The following VWF variants were observed in gnomAD, a reference collection of about 807,000 sequenced individuals.
VWF encodes Factor VIII related antigen.
A neutral mutation model predicts 308.6 loss-of-function variants in VWF; 176 were observed. That is an observed-to-expected ratio of 0.57 (90% CI 0.50 to 0.65). The LOEUF is 0.65. Ranked by LOEUF, VWF falls within the 30% of genes least tolerant of loss-of-function variation. VWF has a pLI of 0.00. For synonymous variants in VWF, 1,385 were observed against 1,443.4 expected (o/e 0.96, Z 0.92); for missense variants, 3,146 against 3,648.2 (o/e 0.86, Z 3.55).
intron 18 of VWF, among the ~76,000 whole-genome samples, chr12:6,041,149 G>T (rs1227459501): frequency 3.3e-5 from 5 of 152,114 alleles, no homozygotes; most frequent in Non-Finnish European, 5.9e-5. Context: ...ATTTTTTAAG[G>T]CCGGGCATGG....
intron 31 of VWF, among the ~76,000 whole-genome samples, chr12:6,015,339 T>G (rs1268951663): frequency 6.6e-6 from 1 of 152,194 alleles, no homozygotes; most frequent in Non-Finnish European, 1.5e-5. Context: ...AGCTCATATG[T>G]GACATAGAGA....
At chr12:5,980,566 T>C (rs900033160) in intron 42 of VWF, among the ~76,000 whole-genome samples, 3 of 151,870 alleles carry the variant, frequency 2.0e-5, no homozygotes, top group Non-Finnish European at 2.9e-5. Flanking sequence ...CAAGAAACAT[T>C]AATAGAAAAA....
rs1944865203 is a variant in VWF, at chr12:6,078,023, T to G, written c.658-2472A>C. Among the ~76,000 whole-genome samples, 4 of 152,098 alleles carry G rather than the reference T, an allele frequency of 2.6e-5. No individual in the cohort carries two copies. The South Asian group carries it at 8.3e-4, about 32-fold the overall frequency. On this transcript the variant is annotated intron_variant, in intron 6 of 51. Transcript: ENST00000261405. ...GAATATGCACGCGGAAGACTTACCT[T>G]AATAAATGATGACCCCTATCATCAT...
intron 15 of VWF, among the ~76,000 whole-genome samples, chr12:6,054,143 T>C (rs1437936215): frequency 2.0e-5 from 3 of 152,180 alleles, no homozygotes; most frequent in African/African-American, 7.2e-5. Context: ...GTTATAAAAG[T>C]AAGCCTTGGC....
rs569571599 is a variant in VWF, at chr12:6,031,439, C to G, written c.2820+5G>C. 1.9e-6 allele frequency: 3 copies of G among 1,614,186 alleles called. No individual in the cohort carries two copies. In the South Asian group the frequency reaches 3.3e-5, roughly 18 times the overall value. The stretch of plus-strand genomic sequence containing the variant: ...ACATGAGGGTGGAGATGAGGCTGCA[C>G]TTACCTCCCCGTCAAACAGCTCAAT... On this transcript the variant is annotated splice_donor_5th_base_variant and intron_variant, in intron 21 of 51. Transcript: ENST00000261405.
chr12:6,072,414 G>C lies in VWF; in HGVS notation c.1026C>G (p.Cys342Trp). Residue 342 changes from cysteine to tryptophan, a missense_variant, in exon 9 of 52, where the codon TGC becomes TGG. Cys to Trp is a radical substitution (Grantham distance 215, BLOSUM62 -2). Around this residue, in one of 3 missense-constraint regions of VWF, gnomAD observed 1,304 missense variants for 1,353.0 expected, o/e 0.96. Coordinates refer to ENST00000261405, the MANE Select transcript of VWF (RefSeq NM_000552.5). The part of the protein sequence containing the change: ...PEGQLLDEGL[C>W]VESTECPCVH... The stretch of plus-strand genomic sequence containing the variant: ...CGCAGGGACACTCGGTGCTCTCCAC[G>C]CAGAGGCCTTCATCCAGGAGCTGTC... 1 of 1,614,064 alleles carries C rather than the reference G, an allele frequency of 6.2e-7. No homozygotes were observed. The highest frequency in any genetic ancestry group is 8.5e-7 in the Non-Finnish European group (1 of 1,180,038).
intron 13 of VWF, among the ~76,000 whole-genome samples, chr12:6,059,636 G>T (rs139953096): frequency 6.6e-6 from 1 of 152,312 alleles, no homozygotes; most frequent in African/African-American, 2.4e-5. Context: ...AGCTCTCTGA[G>T]GTCTTTTAAA....
intron 34 of VWF, among the ~76,000 whole-genome samples, chr12:5,997,274 A>AT (rs1318494208): frequency 6.6e-6 from 1 of 152,170 alleles, no homozygotes; most frequent in Non-Finnish European, 1.5e-5. Context: ...GCTTACTAAC[A>AT]TCCATGCTGC....
Position 5,985,552 on chromosome 12 carries a change from A to G in VWF, c.6901+11T>C. ...CCTCCATGAAGGCACCAGGGAGGGG[A>G]GGACTCTCACCTTTGGCCGTGGGGC... On this transcript the variant is annotated intron_variant, in intron 39 of 51. Transcript: ENST00000261405. 1 of 1,613,252 alleles carries G rather than the reference A, an allele frequency of 6.2e-7. No homozygotes were observed. The highest frequency in any genetic ancestry group is 8.5e-7 in the Non-Finnish European group (1 of 1,179,780).
Position 6,060,456 on chromosome 12 carries a change from T to C in VWF, c.1534-2412A>G, listed in dbSNP as rs989111719. ...TCCCTCCAGCTCTCGCCTCCACACT[T>C]CCATCCCCAAAAGCCCTGGTGTCAG... On this transcript the variant is annotated intron_variant, in intron 13 of 51. Coordinates refer to ENST00000261405, the MANE Select transcript of VWF (RefSeq NM_000552.5). This position sits in a 1 kb window ranked among gnomAD's most constrained non-coding sequence, Gnocchi z 5.1. Among the ~76,000 whole-genome samples the C allele has an allele frequency of 2.0e-5, 3 of 151,762 alleles. No homozygotes were observed. The highest frequency in any genetic ancestry group is 7.2e-5 in the African/African-American group (3 of 41,402).
chr12:6,080,748 T>A (rs1045091729), intron 6 of VWF, among the ~76,000 whole-genome samples: 1 of 152,180 alleles, frequency 6.6e-6, no homozygotes, highest in African/African-American at 2.4e-5. Flanking sequence ...CCCATCATAA[T>A]CCAAACCCAA....
intron 35 of VWF, among the ~76,000 whole-genome samples, chr12:5,995,144 G>C (rs1490374314): frequency 6.6e-6 from 1 of 152,156 alleles, no homozygotes; most frequent in African/African-American, 2.4e-5. Context: ...GTGTGGCCCA[G>C]GGAAGCCAAA....
At chr12:6,007,084 C>G (rs1473097719) in intron 34 of VWF, among the ~76,000 whole-genome samples, 2 of 152,018 alleles carry the variant, frequency 1.3e-5, no homozygotes, top group African/African-American at 2.4e-5. Context: ...ATATAAGAAG[C>G]AAATATTGAC....
chr12:6,100,445 G>T (rs374720415), intron 5 of VWF, among the ~76,000 whole-genome samples: 1 of 146,614 alleles, frequency 6.8e-6, no homozygotes, highest in Non-Finnish European at 1.5e-5. Flanking sequence ...ATGCACACGT[G>T]TGTTTATTGC....
At chr12:6,056,814 T>C (rs1463876882) in intron 15 of VWF, 43 bp downstream of exon 15, 9 of 1,339,918 alleles carry the variant, frequency 6.7e-6, no homozygotes, top group Non-Finnish European at 7.6e-6. Context: ...GTGGACGGAT[T>C]TGGGGGGCGG....
intron 5 of VWF, among the ~76,000 whole-genome samples, chr12:6,103,576 AC>A (rs1945208732): frequency 2.0e-5 from 3 of 147,294 alleles, no homozygotes; most frequent in Non-Finnish European, 3.0e-5. Context: ...ACACACACAC[AC>A]ACACACAGAT....
chr12:5,957,643 G>A (rs539762860), intron 47 of VWF, among the ~76,000 whole-genome samples: 13 of 151,922 alleles, frequency 8.6e-5, no homozygotes, highest in East Asian at 1.9e-4. Flanking sequence ...AAACAAACCC[G>A]TCAACCTAGA....
chr12:6,045,053 T>C (rs1944434175), intron 17 of VWF, among the ~76,000 whole-genome samples: 2 of 152,208 alleles, frequency 1.3e-5, no homozygotes, highest in Non-Finnish European at 2.9e-5. Context: ...ACTACACATC[T>C]CACTTACTTG....
intron 5 of VWF, among the ~76,000 whole-genome samples, chr12:6,105,478 T>C (rs1020672324): frequency 6.6e-6 from 1 of 152,132 alleles, no homozygotes; most frequent in African/African-American, 2.4e-5. Context: ...TCCATCCACC[T>C]CGGCCTCCTG....
Sources: allele counts gnomAD v4.1 joint callset (sites outside exome capture counted in the v4.1 genomes callset), GRCh38; gene constraint gnomAD v4.1.1; regional missense constraint gnomAD v4.1.1; non-coding constraint Gnocchi (gnomAD v3.1); transcripts MANE v1.5; gene names NCBI Gene and HGNC (gene_info 2026-07-23, HGNC 2026-07-21).